WDR33: variants seen among roughly 807,000 people sequenced by gnomAD.
The protein encoded by WDR33 is pre-mRNA 3' end processing protein WDR33.
WDR33 carries 47 observed loss-of-function variants against 164.9 expected under a neutral mutation model. That is an observed-to-expected ratio of 0.29 (90% CI 0.23 to 0.36). The LOEUF is 0.36. Among genes scored for constraint, WDR33 ranks in the 10% least tolerant of loss-of-function variants. The pLI is 1.00. For missense variants in WDR33, 1,137 were observed against 1,754.1 expected, an observed-to-expected ratio of 0.65 and a Z score of 6.28; for synonymous variants, 505 against 589.0, an observed-to-expected ratio of 0.86 and a Z score of 2.06.
rs1268388797 is a variant in WDR33, at chr2:127,702,405, C to A, written c.*3918G>T. The A allele has an allele frequency of 9.5e-6, 3 of 317,010 alleles. No homozygotes were observed. The highest frequency in any genetic ancestry group is 1.2e-4 in the East Asian group (2 of 16,572). 19.6% of individuals were successfully genotyped at this position (317,010 alleles called of 1,614,324 possible). A position where few individuals can be genotyped will look rare whatever the true frequency, so the allele number is the denominator to read the frequency against. Reference sequence around the variant, plus strand: ...CTGGACTTGGCACACGCTCTGAAAACTGAGATTTTGTCATTGAACTGGTGA... The same window carrying A: ...CTGGACTTGGCACACGCTCTGAAAAATGAGATTTTGTCATTGAACTGGTGA... On this transcript the variant is annotated 3_prime_UTR_variant, in exon 22 of 22. Transcript: ENST00000322313.
chr2:127,720,181 G>A lies in WDR33; in HGVS notation c.1844C>T (p.Ala615Val). ...HPSQQMPMNM[A>V]QMGPPGPQGQ... ...CTGTGGACCTGGAGGCCCCATTTGA[G>A]CCATGTTCATTGGCATCTGCTGAGA... Residue 615 changes from alanine (A) to valine (V), a missense_variant, in exon 16 of 22, where the codon GCT (alanine) becomes GTT (valine). By Grantham distance (64) the Ala-to-Val change is moderately conservative. Around this residue, in one of 9 missense-constraint regions of WDR33, gnomAD observed 867 missense variants for 1,073.0 expected, o/e 0.81. Transcript: ENST00000322313. This position sits in a 1 kb window ranked among gnomAD's most constrained non-coding sequence, Gnocchi z 5.9. The A allele has an allele frequency of 1.2e-6, 2 of 1,613,220 alleles. No homozygotes were observed. The highest frequency in any genetic ancestry group is 1.1e-5 in the South Asian group (1 of 90,918).
intron 7 of WDR33, among the ~76,000 whole-genome samples, chr2:127,729,323 T>A (rs1686646361): frequency 6.6e-6 from 1 of 152,218 alleles, no homozygotes; most frequent in Admixed American, 6.5e-5. Flanking sequence ...CCCCAGGGCC[T>A]CTCCTCTTAA....
At chr2:127,727,863 C>T (rs1686608506) in intron 7 of WDR33, among the ~76,000 whole-genome samples, 1 of 152,118 alleles carries the variant, frequency 6.6e-6, no homozygotes, top group Admixed American at 6.5e-5. Flanking sequence ...AGGAAGGATA[C>T]AGAAGAATAC....
Position 127,713,601 on chromosome 2 carries a change from C to T in WDR33, c.3290G>A (p.Arg1097Gln), listed in dbSNP as rs747098364. ...FPRDPEDPRF[R>Q]GRREESFRRG... ...GTCCCACCTTTCTTCTCTGCGCCCT[C>T]GAAAACGTGGGTCCTCGGGATCCCG... is the stretch of plus-strand genomic sequence containing the variant. The change falls in exon 18 of 22, where the codon CGA becomes CAA. Residue 1097 changes from arginine (R) to glutamine (Q), a missense_variant. Arg to Gln is a conservative substitution (Grantham distance 43). This residue lies in a region of WDR33 where 867 missense variants were observed against 1,073.0 expected (regional missense o/e 0.81). Transcript: ENST00000322313. The surrounding 1 kb of genome is among the most constrained non-coding windows in gnomAD (Gnocchi z 6.2). 5.6e-6 allele frequency: 9 copies of T among 1,614,244 alleles called. No homozygotes were observed. The highest frequency in any genetic ancestry group is 6.8e-6 in the Non-Finnish European group (8 of 1,180,040).
chr2:127,788,364 G>A (rs568655578), intron 1 of WDR33, among the ~76,000 whole-genome samples: 4,591 of 110,128 alleles, frequency 0.042, 83 homozygotes, highest in Middle Eastern at 0.098. Flanking sequence ...TTCCCAGTAG[G>A]GGCGGCCGGG....
chr2:127,701,983 C>A lies in WDR33; in HGVS notation c.*4340G>T. 7.4e-7 allele frequency: 1 copy of A among 1,357,704 alleles called. No homozygotes were observed. The allele number at this position is 1,357,704 out of a possible 1,614,324, so 84.1% of individuals were successfully genotyped here. ...CGGCCCGCGCTGCTCTACATGGCAG[C>A]GCTGGGCGCCACGCTGTTCGCCGCG... On this transcript the variant is annotated 3_prime_UTR_variant, in exon 22 of 22. Transcript: ENST00000322313.
At chr2:127,730,118 T>C (rs990453645) in intron 7 of WDR33, among the ~76,000 whole-genome samples, 1 of 152,140 alleles carries the variant, frequency 6.6e-6, no homozygotes, top group South Asian at 2.1e-4. Flanking sequence ...TTTTTCAACT[T>C]TGAAACACGT....
intron 8 of WDR33, among the ~76,000 whole-genome samples, chr2:127,725,843 A>G (rs761060048): frequency 2.6e-5 from 4 of 152,074 alleles, no homozygotes; most frequent in Non-Finnish European, 5.9e-5. Context: ...GCACATGAAC[A>G]CAGAAATTAA....
chr2:127,740,799 G>A (rs1043906063), intron 7 of WDR33, among the ~76,000 whole-genome samples: 2 of 152,180 alleles, frequency 1.3e-5, no homozygotes, highest in South Asian at 2.1e-4. Context: ...TTAATACTAA[G>A]TAAAAACAAA....
In WDR33 at chr2:127,738,863, G is replaced by A. The variant is rs1346547755; in HGVS notation, c.725-12086C>T. ...AAATAATTTTCTTGATTAAAATGAAGAGGAGGAGGAGAATGGAACAAAATC... is the reference window on the plus strand; with the variant it reads ...AAATAATTTTCTTGATTAAAATGAAAAGGAGGAGGAGAATGGAACAAAATC... On this transcript the variant is annotated intron_variant, in intron 7 of 21. Transcript: ENST00000322313. The surrounding 1 kb of genome is among the most constrained non-coding windows in gnomAD (Gnocchi z 4.4). 1.3e-5 allele frequency among the ~76,000 whole-genome samples: 2 copies of A among 152,106 alleles called. No individual in the cohort carries two copies. Among genetic ancestry groups the A allele is most frequent in the Non-Finnish European group, 2.9e-5 (2 of 68,030 alleles).
Position 127,751,911 on chromosome 2 carries a change from C to T in WDR33, c.724+11151G>A, listed in dbSNP as rs143016292. On this transcript the variant is annotated intron_variant, in intron 7 of 21. Transcript: ENST00000322313. ...GGCTCCTACCCTCCAACAAACTACA[C>T]GGAAGACTCTGAGGACGCAGTAAGT... Among the ~76,000 whole-genome samples the T allele has an allele frequency of 7.2e-5, 11 of 152,300 alleles. No homozygotes were observed. The East Asian group carries it at 2.1e-3, about 29-fold the overall frequency.
chr2:127,707,276 T>A (rs1250856276), intron 21 of WDR33, among the ~76,000 whole-genome samples: 1 of 151,874 alleles, frequency 6.6e-6, no homozygotes, highest in Middle Eastern at 3.4e-3. Flanking sequence ...GAAAAAAAAT[T>A]CTATCTTGTA....
Position 127,721,947 on chromosome 2 carries a change from C to T in WDR33, c.1560G>A (p.Glu520=). ...TGTCTTCTTTTCTGTCATTCAGCAC[C>T]TCATTTGGAGCAGGAATTGGAACTT... The part of the protein sequence containing the change: ...QNKVPIPAPN[E]VLNDRKEDIK... Residue 520 remains glutamate (E), a synonymous_variant, in exon 15 of 22, where the codon GAG becomes GAA. Transcript: ENST00000322313. This position sits in a 1 kb window ranked among gnomAD's most constrained non-coding sequence, Gnocchi z 4.9. The T allele has an allele frequency of 6.2e-7, 1 of 1,613,436 alleles. No homozygotes were observed. The highest frequency in any genetic ancestry group is 8.5e-7 in the Non-Finnish European group (1 of 1,179,888).
Position 127,724,786 on chromosome 2 carries a change from G to A in WDR33, c.1085+101C>T. On this transcript the variant is annotated intron_variant, in intron 10 of 21. Transcript: ENST00000322313. This position sits in a 1 kb window ranked among gnomAD's most constrained non-coding sequence, Gnocchi z 4.8. Reference sequence around the variant, plus strand: ...AAACTGCAAGCAGTCTCTGATATAGGATATATGAACACTTAGAAAAGCTAC... The same window carrying A: ...AAACTGCAAGCAGTCTCTGATATAGAATATATGAACACTTAGAAAAGCTAC... The A allele has an allele frequency of 1.5e-6, 2 of 1,293,854 alleles. No individual in the cohort carries two copies. Among genetic ancestry groups the A allele is most frequent in the Non-Finnish European group, 1.1e-6 (1 of 893,872 alleles). 80.1% of individuals were successfully genotyped at this position (1,293,854 alleles called of 1,614,324 possible). A position where few individuals can be genotyped will look rare whatever the true frequency, so the allele number is the denominator to read the frequency against.
rs1018478100 is a variant in WDR33 at position 127,735,309 on chromosome 2, C to G, written c.725-8532G>C. 6.6e-6 allele frequency: 6 copies of G among 908,102 alleles called. No individual in the cohort carries two copies. Among genetic ancestry groups the G allele is most frequent in the Non-Finnish European group, 6.6e-6 (5 of 759,612 alleles). The allele number at this position is 908,102 out of a possible 1,614,324, so 56.3% of individuals were successfully genotyped here. ...TCCACCTCATCAGATCCTAAGGAACCTGTTACCCCAAGCCCCTAAATAACC... is the reference window on the plus strand; with the variant it reads ...TCCACCTCATCAGATCCTAAGGAACGTGTTACCCCAAGCCCCTAAATAACC... On this transcript the variant is annotated intron_variant, in intron 7 of 21. Transcript: ENST00000322313. The surrounding 1 kb of genome is among the most constrained non-coding windows in gnomAD (Gnocchi z 4.3).
In WDR33 at chr2:127,719,430, G is replaced by A. The variant is rs1392314747; in HGVS notation, c.2595C>T (p.Pro865=). The A allele has an allele frequency of 3.8e-6, 6 of 1,561,468 alleles. No individual in the cohort carries two copies. In the Admixed American group the frequency reaches 9.5e-5, roughly 25 times the overall value. ...GGGGTGGAGGTCCTAAAGAGCCCTG[G>A]GGCGGCCCCTGCTGACTTTGTGAGC... ...PPGSQSQQGP[P]QGSLGPPPQG... The change falls in exon 16 of 22, where the codon CCC becomes CCT. Residue 865 remains proline (P), a synonymous_variant. Transcript: ENST00000322313. This position sits in a 1 kb window ranked among gnomAD's most constrained non-coding sequence, Gnocchi z 6.5.
At position 127,701,618 on chromosome 2, in the gene WDR33, G is replaced by A; in HGVS notation, c.*4705C>T. 7.5e-7 allele frequency: 1 copy of A among 1,339,366 alleles called. No homozygotes were observed. Among genetic ancestry groups the A allele is most frequent in the Non-Finnish European group, 9.5e-7 (1 of 1,047,290 alleles). The allele number at this position is 1,339,366 out of a possible 1,614,324, so 83.0% of individuals were successfully genotyped here. ...CCGCGGAGCCGCTGCTCGCCGCGGA[G>A]AAGGCGGAGGAGCCCGGGGACCGGC... On this transcript the variant is annotated 3_prime_UTR_variant, in exon 22 of 22. Coordinates refer to ENST00000322313, the MANE Select transcript of WDR33 (RefSeq NM_018383.5).
At chr2:127,792,306 C>T (rs1381171007) in intron 1 of WDR33, among the ~76,000 whole-genome samples, 1 of 151,966 alleles carries the variant, frequency 6.6e-6, no homozygotes, top group African/African-American at 2.4e-5. Flanking sequence ...CACTGCCTTA[C>T]AGAATTAAGT....
intron 1 of WDR33, among the ~76,000 whole-genome samples, chr2:127,785,410 C>A (rs942690624): frequency 5.9e-5 from 9 of 152,312 alleles, no homozygotes; most frequent in African/African-American, 2.2e-4. Context: ...TGACAAATGT[C>A]TAATGACATG....
Sources: gnomAD v4.1 joint callset for allele counts (sites outside exome capture counted in the v4.1 genomes callset) on GRCh38, gnomAD v4.1.1 for gene constraint, gnomAD v4.1.1 regional missense constraint, Gnocchi (gnomAD v3.1) non-coding constraint, MANE v1.5 for transcripts, NCBI Gene and HGNC (gene_info 2026-07-23, HGNC 2026-07-21) for gene names.